ADAMTSL1: variants seen among roughly 807,000 people sequenced by gnomAD.
ADAMTSL1 encodes the protein ADAMTS-like protein 1.
A neutral mutation model predicts 201.8 loss-of-function variants in ADAMTSL1; 126 were observed. The observed-to-expected ratio is 0.62, with a 90% CI of 0.54 to 0.72. The LOEUF is 0.72. Among genes scored for constraint, ADAMTSL1 ranks in the 30% least tolerant of loss-of-function variants. The pLI, the probability that ADAMTSL1 is intolerant of heterozygous loss-of-function variation, is 0.00. For synonymous variants in ADAMTSL1, 1,121 were observed against 903.4 expected, an observed-to-expected ratio of 1.24 and a Z score of -4.32; for missense variants, 2,679 against 2,277.8, an observed-to-expected ratio of 1.18 and a Z score of -3.59.
At chr9:18,093,974 T>A (rs903136895) in intron 1 of ADAMTSL1, among the ~76,000 whole-genome samples, 8 of 152,122 alleles carry the variant, frequency 5.3e-5, no homozygotes, top group African/African-American at 1.9e-4. Flanking sequence ...AGTTGGAAAG[T>A]AAGAGGCTCC....
At chr9:18,503,163 C>G (rs933391358) in intron 1 of ADAMTSL1, among the ~76,000 whole-genome samples, 5 of 151,696 alleles carry the variant, frequency 3.3e-5, no homozygotes, top group African/African-American at 1.2e-4. Context: ...ACTTTTTCAT[C>G]TTCCCTAACT....
chr9:18,909,507 C>CACTA lies in ADAMTSL1; in HGVS notation c.*967_*970dup, dbSNP rs958279139. The CACTA allele has an allele frequency of 6.6e-6, 1 of 152,280 alleles. No individual in the cohort carries two copies. Among genetic ancestry groups the CACTA allele is most frequent in the African/African-American group, 2.4e-5 (1 of 41,454 alleles). 9.4% of individuals were successfully genotyped at this position (152,280 alleles called of 1,614,324 possible). A position where few individuals can be genotyped will look rare whatever the true frequency, so the allele number is the denominator to read the frequency against. ...CTAAATCCGAAGTCCCCTAGCCCCG[C>CACTA]ACTAACTAACTGCTGCTGTGGGCCA... On this transcript the variant is annotated 3_prime_UTR_variant, in exon 29 of 29. Coordinates refer to ENST00000380548, the MANE Select transcript of ADAMTSL1 (RefSeq NM_001040272.6).
chr9:18,095,640 T>A (rs190526933), intron 1 of ADAMTSL1, among the ~76,000 whole-genome samples: 1 of 152,164 alleles, frequency 6.6e-6, no homozygotes, highest in East Asian at 1.9e-4. Context: ...GCCAGGCTGG[T>A]CTCAAACTCC....
chr9:18,863,360 C>A (rs150300444), intron 23 of ADAMTSL1, among the ~76,000 whole-genome samples: 1 of 152,182 alleles, frequency 6.6e-6, no homozygotes, highest in Non-Finnish European at 1.5e-5. Flanking sequence ...CGTTAGCATA[C>A]CCCCTGCCAA....
intron 2 of ADAMTSL1, among the ~76,000 whole-genome samples, chr9:18,322,687 A>G (rs78818819): frequency 0.019 from 2,897 of 152,236 alleles, 85 homozygotes; most frequent in African/African-American, 0.065. Context: ...AGCAATACCA[A>G]TAGAGGAGAC....
At chr9:18,392,760 A>G (rs547983069) in intron 2 of ADAMTSL1, among the ~76,000 whole-genome samples, 98 of 152,332 alleles carry the variant, frequency 6.4e-4, no homozygotes, top group Non-Finnish European at 1.3e-3. Context: ...CTCTAAATTC[A>G]TACAAGAAAA....
intron 2 of ADAMTSL1, among the ~76,000 whole-genome samples, chr9:18,517,444 T>G (rs1046345464): frequency 6.6e-6 from 1 of 152,042 alleles, no homozygotes; most frequent in Non-Finnish European, 1.5e-5. Flanking sequence ...ATACTTTAAG[T>G]TTTAGGATAC....
intron 1 of ADAMTSL1, among the ~76,000 whole-genome samples, chr9:17,954,525 A>G (rs970811033): frequency 6.6e-6 from 1 of 152,224 alleles, no homozygotes; most frequent in African/African-American, 2.4e-5. Context: ...TTATACCTGC[A>G]TGACATTTTC....
intron 1 of ADAMTSL1, among the ~76,000 whole-genome samples, chr9:17,983,064 C>CT (rs202085722): frequency 0.45 from 38,893 of 86,214 alleles, 10,925 homozygotes; most frequent in East Asian, 0.77. Context: ...TCTTTTCTTT[C>CT]TTTCTTTCTT....
intron 1 of ADAMTSL1, among the ~76,000 whole-genome samples, chr9:18,107,837 C>T (rs1461141958): frequency 6.6e-6 from 1 of 152,078 alleles, no homozygotes; most frequent in African/African-American, 2.4e-5. Flanking sequence ...AAAGTTACGC[C>T]AGGAAGTGTT....
intron 3 of ADAMTSL1, among the ~76,000 whole-genome samples, chr9:18,555,255 C>G (rs1477254591): frequency 6.6e-6 from 1 of 151,868 alleles, no homozygotes; most frequent in African/African-American, 2.4e-5. Flanking sequence ...ATGGAAAGTT[C>G]AACACCACCA....
chr9:18,744,760 G>C (rs982396645), intron 15 of ADAMTSL1, among the ~76,000 whole-genome samples: 1 of 152,144 alleles, frequency 6.6e-6, no homozygotes, highest in African/African-American at 2.4e-5. Flanking sequence ...CAAACAATCC[G>C]ATCTTAGAGC....
At chr9:18,564,213 T>C (rs1821730574) in intron 3 of ADAMTSL1, among the ~76,000 whole-genome samples, 1 of 152,212 alleles carries the variant, frequency 6.6e-6, no homozygotes, top group Non-Finnish European at 1.5e-5. Context: ...CTGGGCCGGA[T>C]AGCACCGTCC....
upstream of ADAMTSL1, among the ~76,000 whole-genome samples, chr9:18,470,576 C>T (rs1821166891): frequency 6.6e-6 from 1 of 152,144 alleles, no homozygotes; most frequent in Admixed American, 6.5e-5. Context: ...TTCCAGGAGA[C>T]CCTGTGTCCC....
intron 16 of ADAMTSL1, among the ~76,000 whole-genome samples, chr9:18,764,714 G>A (rs1028380620): frequency 6.6e-6 from 1 of 152,210 alleles, no homozygotes; most frequent in African/African-American, 2.4e-5. Flanking sequence ...GGAATGGGCT[G>A]GAAAGCTCCA....
chr9:18,844,380 G>C (rs2131336553), intron 23 of ADAMTSL1, among the ~76,000 whole-genome samples: 1 of 152,302 alleles, frequency 6.6e-6, no homozygotes, highest in South Asian at 2.1e-4. Flanking sequence ...GCTGCTGTCT[G>C]ATCGTTCCTC....
chr9:18,856,459 G>GGTTTT (rs1350043601), intron 23 of ADAMTSL1, among the ~76,000 whole-genome samples: 1 of 81,304 alleles, frequency 1.2e-5, no homozygotes. Flanking sequence ...TGATAAGAAG[G>GGTTTT]ATTTTTTTTT....
At chr9:18,417,382 G>GAAAAAAAAAAAAAAAAA (rs750731863) in intron 2 of ADAMTSL1, among the ~76,000 whole-genome samples, 3 of 108,838 alleles carry the variant, frequency 2.8e-5, no homozygotes, top group East Asian at 3.2e-4. Context: ...AAAAAAAAAA[G>GAAAAAAAAAAAAAAAAA]AAAAAAAAAA....
chr9:18,136,914 A>T (rs1054266770), intron 1 of ADAMTSL1, among the ~76,000 whole-genome samples: 11 of 152,170 alleles, frequency 7.2e-5, no homozygotes, highest in African/African-American at 2.7e-4. Flanking sequence ...GCAAAATTGT[A>T]AGGAGGGTCA....
Sources: allele counts gnomAD v4.1 joint callset (sites outside exome capture counted in the v4.1 genomes callset), GRCh38; gene constraint gnomAD v4.1.1; transcripts MANE v1.5; gene names NCBI Gene and HGNC (gene_info 2026-07-23, HGNC 2026-07-21).